Variants in TMEM273 observed in about 807,000 individuals in gnomAD.
The protein encoded by TMEM273 is chromosome 10 open reading frame 128.
TMEM273 carries 19 observed loss-of-function variants against 17.9 expected under a neutral mutation model. The ratio of observed to expected loss-of-function variants is 1.06; its 90% CI spans 0.74 to 1.55. The LOEUF is 1.55. Among genes scored for constraint, TMEM273 ranks in the 40% most tolerant of loss-of-function variants. The pLI is 0.00. For missense variants in TMEM273, 194 were observed against 155.6 expected, an observed-to-expected ratio of 1.25 and a Z score of -1.31; for synonymous variants, 66 against 62.0, an observed-to-expected ratio of 1.07 and a Z score of -0.31.
chr10:49,170,747 A>G (rs4439436), intron 1 of TMEM273, among the ~76,000 whole-genome samples: 10,516 of 152,198 alleles, frequency 0.069, 547 homozygotes, highest in African/African-American at 0.15. Context: ...CCCTCCATGC[A>G]GCCCTCCTGT....
intron 1 of TMEM273, among the ~76,000 whole-genome samples, chr10:49,184,176 G>A (rs536196555): frequency 4.6e-5 from 7 of 152,246 alleles, no homozygotes; most frequent in East Asian, 1.9e-4. Context: ...TCTTTAGGCC[G>A]TAAATAAAAA....
intron 1 of TMEM273, among the ~76,000 whole-genome samples, chr10:49,173,861 A>T (rs1564636758): frequency 1.3e-5 from 2 of 152,044 alleles, no homozygotes; most frequent in East Asian, 3.9e-4. Context: ...CAGAGAGACA[A>T]GGGGGGGCGA....
intron 1 of TMEM273, among the ~76,000 whole-genome samples, chr10:49,179,180 G>C (rs146411365): frequency 3.2e-4 from 49 of 152,298 alleles, no homozygotes; most frequent in Non-Finnish European, 3.7e-4. Flanking sequence ...AAGCAATTGT[G>C]GTAGATAAAT....
Position 49,161,634 on chromosome 10 carries a change from G to A in TMEM273, c.349-12C>T. ...AATTGTGGTTTCGCCTGCAAAACAA[G>A]ATAAAAGGGTGTTCATTGCCTAAGC... On this transcript the variant is annotated splice_polypyrimidine_tract_variant and intron_variant, in intron 5 of 6. Transcript: ENST00000374153. The A allele has an allele frequency of 6.2e-7, 1 of 1,614,228 alleles. No individual in the cohort carries two copies. Among genetic ancestry groups the A allele is most frequent in the Non-Finnish European group, 8.5e-7 (1 of 1,180,024 alleles).
rs953197147 is a variant in TMEM273 at position 49,155,316 on chromosome 10, A to G, written c.*576T>C. On this transcript the variant is annotated 3_prime_UTR_variant, in exon 7 of 7. Coordinates refer to ENST00000374153, the MANE Select transcript of TMEM273 (RefSeq NM_001288740.3). ...AGCCCTTCCTACCACGCCAGCCCAGACTGCCATTTCCCCTCCAGAAGGCCA... is the reference window on the plus strand; with the variant it reads ...AGCCCTTCCTACCACGCCAGCCCAGGCTGCCATTTCCCCTCCAGAAGGCCA... 4.5e-5 allele frequency: 7 copies of G among 153,940 alleles called. No homozygotes were observed. The highest frequency in any genetic ancestry group is 1.7e-4 in the African/African-American group (7 of 41,424). 9.5% of individuals were successfully genotyped at this position (153,940 alleles called of 1,614,324 possible).
chr10:49,163,068 G>A (rs561282102), intron 5 of TMEM273, among the ~76,000 whole-genome samples: 1 of 152,088 alleles, frequency 6.6e-6, no homozygotes, highest in African/African-American at 2.4e-5. Context: ...GAGAACCTGT[G>A]ATTGTGCCAA....
chr10:49,178,693 C>T (rs1046327577), intron 1 of TMEM273, among the ~76,000 whole-genome samples: 9 of 152,288 alleles, frequency 5.9e-5, no homozygotes, highest in African/African-American at 1.7e-4. Context: ...GACTCCTCCT[C>T]CAGGAAGCCT....
At chr10:49,156,675 A>G (rs866925127) in intron 6 of TMEM273, among the ~76,000 whole-genome samples, 1 of 152,230 alleles carries the variant, frequency 6.6e-6, no homozygotes, top group Non-Finnish European at 1.5e-5. Flanking sequence ...AGATCTCCTC[A>G]TGAGAGATGG....
chr10:49,160,314 T>C (rs1236169597), intron 6 of TMEM273: 1 of 152,116 alleles, frequency 6.6e-6, no homozygotes, highest in Non-Finnish European at 1.5e-5. Flanking sequence ...AGTGATGCAA[T>C]ACAACAAAAG....
intron 1 of TMEM273, among the ~76,000 whole-genome samples, chr10:49,179,290 G>C (rs1303959226): frequency 6.6e-6 from 1 of 152,224 alleles, no homozygotes; most frequent in Non-Finnish European, 1.5e-5. Context: ...AGTATGTGTT[G>C]GCCTGTGGGG....
chr10:49,167,742 G>T (rs561947410), intron 2 of TMEM273, among the ~76,000 whole-genome samples, 167 bp downstream of exon 2: 18 of 152,298 alleles, frequency 1.2e-4, no homozygotes, highest in African/African-American at 3.8e-4. Context: ...CCTTTCCCCC[G>T]AAATAAAGCT....
In TMEM273 at chr10:49,166,854, C is replaced by A. The variant is rs1389362325; in HGVS notation, c.238+15G>T. ...TGGGTGGGGCAGAGCCAGGCCCGAG[C>A]ACCACATCCCTCACCACTGAGGCCC... On this transcript the variant is annotated intron_variant, in intron 3 of 6. Transcript: ENST00000374153. 1 of 1,613,114 alleles carries A rather than the reference C, an allele frequency of 6.2e-7. No homozygotes were observed. Among genetic ancestry groups the A allele is most frequent in the African/African-American group, 1.3e-5 (1 of 75,060 alleles).
intron 1 of TMEM273, among the ~76,000 whole-genome samples, chr10:49,171,324 G>C (rs1310531902): frequency 0.012 from 1 of 86 alleles, no homozygotes; most frequent in Non-Finnish European, 0.026. Flanking sequence ...CAGAGAGCCA[G>C]AATACAGGCC....
At chr10:49,180,056 T>A (rs1189247310) in intron 1 of TMEM273, among the ~76,000 whole-genome samples, 1 of 152,152 alleles carries the variant, frequency 6.6e-6, no homozygotes, top group Non-Finnish European at 1.5e-5. Context: ...GCCCAATGAA[T>A]GAAAAAGTCC....
At chr10:49,170,861 G>A (rs1846518188) in intron 1 of TMEM273, among the ~76,000 whole-genome samples, 2 of 152,296 alleles carry the variant, frequency 1.3e-5, no homozygotes, top group African/African-American at 4.8e-5. Context: ...AGGGTCATGA[G>A]CTGGGGAGGA....
chr10:49,168,082 T>A, intron 1 of TMEM273, 120 bp from the exon 2 acceptor site: 1 of 1,213,416 alleles, frequency 8.2e-7, no homozygotes, highest in Non-Finnish European at 1.2e-6. Flanking sequence ...AGAGGTGGGC[T>A]CCCAATTGCC....
At chr10:49,173,553 T>C (rs1846729990) in intron 1 of TMEM273, among the ~76,000 whole-genome samples, 2 of 152,164 alleles carry the variant, frequency 1.3e-5, no homozygotes, top group Admixed American at 6.5e-5. Flanking sequence ...TCCCCCTTGC[T>C]CTCGTCAGTC....
chr10:49,174,102 A>G (rs1186295076), intron 1 of TMEM273, among the ~76,000 whole-genome samples: 1 of 152,226 alleles, frequency 6.6e-6, no homozygotes, highest in Non-Finnish European at 1.5e-5. Flanking sequence ...GCTGACATAT[A>G]AAAGACTCAC....
rs1590169400 is a variant in TMEM273 at position 49,156,076 on chromosome 10, G to A, written c.373-167C>T. 9.7e-6 allele frequency: 15 copies of A among 1,544,182 alleles called. No homozygotes were observed. In the East Asian group the frequency reaches 3.2e-4, roughly 33 times the overall value. On this transcript the variant is annotated intron_variant, in intron 6 of 6. Coordinates refer to ENST00000374153, the MANE Select transcript of TMEM273 (RefSeq NM_001288740.3). ...CAACATAGAAAGGAACTGAAGGCCAGTGGCTTCTGGGTAAAGGGGAGAGCT... is the reference window on the plus strand; with the variant it reads ...CAACATAGAAAGGAACTGAAGGCCAATGGCTTCTGGGTAAAGGGGAGAGCT...
Sources: allele counts gnomAD v4.1 joint callset (sites outside exome capture counted in the v4.1 genomes callset), GRCh38; gene constraint gnomAD v4.1.1; transcripts MANE v1.5; gene names NCBI Gene and HGNC (gene_info 2026-07-23, HGNC 2026-07-21).